SHISA9: variants seen among roughly 807,000 people sequenced by gnomAD.
SHISA9 encodes the protein shisa family member 9.
SHISA9 carries 13 observed loss-of-function variants against 38.0 expected under a neutral mutation model. That is an observed-to-expected ratio of 0.34 (90% CI 0.22 to 0.54). The LOEUF (loss-of-function observed/expected upper bound fraction) is 0.54, where lower values mean the gene tolerates loss of function less well. Ranked by LOEUF, SHISA9 falls within the 20% of genes least tolerant of loss-of-function variation. The pLI is 0.91. For synonymous variants in SHISA9, 275 were observed against 242.0 expected, an observed-to-expected ratio of 1.14 and a Z score of -1.27; for missense variants, 538 against 575.8, an observed-to-expected ratio of 0.93 and a Z score of 0.67.
the SHISA9 span, among the ~76,000 whole-genome samples, chr16:13,521,723 G>A: frequency 6.6e-5 from 10 of 152,182 alleles, no homozygotes; most frequent in African/African-American, 2.4e-4. Context: ...AGGACTTGAT[G>A]TATTAGATTC....
the SHISA9 span, among the ~76,000 whole-genome samples, chr16:13,293,959 G>C: frequency 6.6e-6 from 1 of 152,206 alleles, no homozygotes; most frequent in Non-Finnish European, 1.5e-5. Context: ...GTTGTGCGAA[G>C]GGTTGGGGTA....
intron 2 of SHISA9, among the ~76,000 whole-genome samples, chr16:13,019,289 C>A (rs1284454523): frequency 6.6e-6 from 1 of 152,100 alleles, no homozygotes; most frequent in East Asian, 1.9e-4. Context: ...CGTGAGCCAC[C>A]ACGCTTGGCC....
At chr16:13,561,879 A>AT in the SHISA9 span, among the ~76,000 whole-genome samples, 1 of 152,068 alleles carries the variant, frequency 6.6e-6, no homozygotes, top group Non-Finnish European at 1.5e-5. Context: ...GAAAAAAAAA[A>AT]GCAAAAGACA....
the SHISA9 span, among the ~76,000 whole-genome samples, chr16:13,489,163 A>G: frequency 6.6e-6 from 1 of 151,892 alleles, no homozygotes; most frequent in African/African-American, 2.4e-5. Flanking sequence ...TCTCCTGCCT[A>G]GGCCTCCTGA....
chr16:13,169,081 C>T (rs1001206474), intron 2 of SHISA9, among the ~76,000 whole-genome samples: 2 of 152,154 alleles, frequency 1.3e-5, no homozygotes, highest in African/African-American at 4.8e-5. Flanking sequence ...ACAATGACCC[C>T]TACGGAAGAC....
At chr16:12,925,907 G>A (rs2071387993) in intron 2 of SHISA9, among the ~76,000 whole-genome samples, 1 of 151,922 alleles carries the variant, frequency 6.6e-6, no homozygotes, top group Admixed American at 6.6e-5. Context: ...ATTCTTTTTA[G>A]TAGAGATGGG....
At chr16:13,419,763 C>T in the SHISA9 span, among the ~76,000 whole-genome samples, 56 of 152,256 alleles carry the variant, frequency 3.7e-4, no homozygotes, top group Middle Eastern at 3.4e-3. Flanking sequence ...ATAAACAAGG[C>T]ATAAACAAAT....
At position 13,015,696 on chromosome 16, in the gene SHISA9, CG is replaced by C. The variant is rs1295121584; in HGVS notation, c.691+98882del. On this transcript the variant is annotated intron_variant, in intron 2 of 4. Transcript: ENST00000558583. ...AGCTGAAGGGGACTGTTACCCTATG[CG>C]TAGATACACCGGTTCCCTACTGGAG... is the stretch of plus-strand genomic sequence containing the variant. 2.0e-5 allele frequency among the ~76,000 whole-genome samples: 3 copies of C among 152,012 alleles called. No individual in the cohort carries two copies. The East Asian group carries it at 5.8e-4, about 30-fold the overall frequency.
Position 13,201,615 on chromosome 16 carries a change from A to G in SHISA9, c.692-1779A>G, listed in dbSNP as rs370552897. Among the ~76,000 whole-genome samples, 27 of 132,466 alleles carry G rather than the reference A, an allele frequency of 2.0e-4. 4 individuals carry two copies. Among genetic ancestry groups the G allele is most frequent in the African/African-American group, 7.8e-4 (26 of 33,382 alleles). 86.9% of individuals were successfully genotyped at this position (132,466 alleles called of 152,430 possible). Reference sequence around the variant, plus strand: ...GCCTATGTAGTCTAAAATGCTTACTACCTGGCCCTTTACAGAAAAAGTTTC... The same window carrying G: ...GCCTATGTAGTCTAAAATGCTTACTGCCTGGCCCTTTACAGAAAAAGTTTC... On this transcript the variant is annotated intron_variant, in intron 2 of 4. Transcript: ENST00000558583.
intron 2 of SHISA9, among the ~76,000 whole-genome samples, chr16:13,067,284 A>G (rs1375263591): frequency 1.3e-5 from 2 of 152,216 alleles, no homozygotes; most frequent in African/African-American, 4.8e-5. Flanking sequence ...TGATGAACCT[A>G]GAAGGAACCT....
chr16:13,303,380 A>G, the SHISA9 span, among the ~76,000 whole-genome samples: 1 of 152,232 alleles, frequency 6.6e-6, no homozygotes, highest in Non-Finnish European at 1.5e-5. Context: ...GATATAAAAT[A>G]TTATTGAAAT....
chr16:13,459,276 C>G, the SHISA9 span, among the ~76,000 whole-genome samples: 1 of 152,126 alleles, frequency 6.6e-6, no homozygotes, highest in Non-Finnish European at 1.5e-5. Context: ...GACTTAGTGA[C>G]AGAGGATTTT....
chr16:13,310,618 A>G, the SHISA9 span, among the ~76,000 whole-genome samples: 2 of 151,906 alleles, frequency 1.3e-5, no homozygotes, highest in Admixed American at 1.3e-4. Context: ...TTAGCAAAAA[A>G]TTAGAAATGT....
chr16:13,545,751 C>G, the SHISA9 span, among the ~76,000 whole-genome samples: 89 of 152,272 alleles, frequency 5.8e-4, 1 homozygote, highest in South Asian at 0.016. Flanking sequence ...GATCCTCTCC[C>G]TCTTCTTTTG....
At chr16:13,278,824 T>G in the SHISA9 span, among the ~76,000 whole-genome samples, 1 of 152,060 alleles carries the variant, frequency 6.6e-6, no homozygotes, top group Non-Finnish European at 1.5e-5. Context: ...TGGTTAATCT[T>G]GCTAATGGTC....
chr16:13,109,517 AC>A (rs2073957562), intron 2 of SHISA9, among the ~76,000 whole-genome samples: 1 of 152,108 alleles, frequency 6.6e-6, no homozygotes, highest in South Asian at 2.1e-4. Flanking sequence ...TGACTTAAAA[AC>A]CCCCAACTTT....
intron 4 of SHISA9, among the ~76,000 whole-genome samples, chr16:13,218,145 C>A (rs1476971982): frequency 6.6e-6 from 1 of 152,108 alleles, no homozygotes; most frequent in Admixed American, 6.5e-5. Context: ...TTCCTAAAAC[C>A]GCAAAAGAAA....
chr16:12,923,681 A>G (rs1251977061), intron 2 of SHISA9, among the ~76,000 whole-genome samples: 1 of 152,074 alleles, frequency 6.6e-6, no homozygotes, highest in Non-Finnish European at 1.5e-5. Flanking sequence ...ATATTAAAAA[A>G]TAGAGGAAAA....
At chr16:13,313,254 CAA>C in the SHISA9 span, among the ~76,000 whole-genome samples, 3 of 49,648 alleles carry the variant, frequency 6.0e-5, no homozygotes, top group African/African-American at 1.3e-4. Context: ...GACTCCGTCT[CAA>C]AAAAAAAAAA....
Sources: allele counts gnomAD v4.1 joint callset (sites outside exome capture counted in the v4.1 genomes callset), GRCh38; gene constraint gnomAD v4.1.1; transcripts MANE v1.5; gene names NCBI Gene and HGNC (gene_info 2026-07-23, HGNC 2026-07-21).